Variants in BIRC6 observed in about 807,000 individuals in gnomAD.
BIRC6 encodes the protein dual E2 ubiquitin-conjugating enzyme/E3 ubiquitin-protein ligase BIRC6.
BIRC6 carries 98 observed loss-of-function variants against 503.3 expected under a neutral mutation model. That is an observed-to-expected ratio of 0.19 (90% CI 0.17 to 0.23). BIRC6 has a LOEUF of 0.23. BIRC6 is among the 10% of genes least tolerant of loss of function. The probability of loss-of-function intolerance (pLI) is 1.00; values close to 1 mark genes in which losing one functional copy is unlikely to be tolerated. For synonymous variants in BIRC6, 2,240 were observed against 2,078.7 expected, an observed-to-expected ratio of 1.08 and a Z score of -2.11; for missense variants, 5,360 against 5,806.0, an observed-to-expected ratio of 0.92 and a Z score of 2.50.
At chr2:32,375,238 C>A (rs968540963) in intron 1 of BIRC6, among the ~76,000 whole-genome samples, 1 of 151,956 alleles carries the variant, frequency 6.6e-6, no homozygotes, top group African/African-American at 2.4e-5. Flanking sequence ...GATTTGTTTG[C>A]CTTTTATATC....
chr2:32,596,145 A>G (rs2061658403), intron 68 of BIRC6, among the ~76,000 whole-genome samples: 1 of 152,092 alleles, frequency 6.6e-6, no homozygotes, highest in Non-Finnish European at 1.5e-5. Context: ...ATAGTTCTAT[A>G]TTATATATTG....
intron 3 of BIRC6, among the ~76,000 whole-genome samples, chr2:32,386,068 G>T (rs1459110079): frequency 6.6e-6 from 1 of 152,132 alleles, no homozygotes; most frequent in African/African-American, 2.4e-5. Context: ...ACCAATCAGC[G>T]TGCTGTCATG....
chr2:32,505,037 C>T lies in BIRC6; in HGVS notation c.9532C>T (p.Pro3178Ser), dbSNP rs1393822627. The change falls in exon 50 of 74, where the codon CCA (proline) becomes TCA (serine). Residue 3178 changes from proline to serine, a missense_variant. By Grantham distance (74) the Pro-to-Ser change is moderately conservative. This residue lies in a region of BIRC6 where 267 missense variants were observed against 287.6 expected (regional missense o/e 0.93). Coordinates refer to ENST00000421745, the MANE Select transcript of BIRC6 (RefSeq NM_016252.4). The part of the protein sequence containing the change: ...TITSSSPTAQ[P>S]AEVLLQATPP... ...CACATCTAGCAGTCCTACTGCCCAA[C>T]CAGCTGAAGTGCTATTGCAGGCCAC... 1.2e-6 allele frequency: 2 copies of T among 1,613,818 alleles called. No individual in the cohort carries two copies. The highest frequency in any genetic ancestry group is 1.7e-6 in the Non-Finnish European group (2 of 1,179,796).
chr2:32,464,907 A>T, intron 25 of BIRC6, 84 bp downstream of exon 25: 1 of 1,479,234 alleles, frequency 6.8e-7, no homozygotes, highest in Non-Finnish European at 9.1e-7. Flanking sequence ...CAAAATTTTT[A>T]ATACCAACTA....
In BIRC6 at chr2:32,499,985, C is replaced by T; in HGVS notation, c.8907C>T (p.Ser2969=). 2.5e-6 allele frequency: 4 copies of T among 1,613,972 alleles called. No homozygotes were observed. The highest frequency in any genetic ancestry group is 3.4e-6 in the Non-Finnish European group (4 of 1,179,884). The stretch of plus-strand genomic sequence containing the variant: ...CAGGAGGCAAAGATGGCAATGGAAG[C>T]AGTACCAGTGTTCAAGGATCGCCTG... The part of the protein sequence containing the change: ...KVSGGKDGNG[S]STSVQGSPAY... The change falls in exon 46 of 74, where the codon AGC becomes AGT. Residue 2969 remains serine (S), a synonymous_variant. Transcript: ENST00000421745.
At chr2:32,381,541 T>C (rs1454213210) in intron 3 of BIRC6, among the ~76,000 whole-genome samples, 2 of 126,182 alleles carry the variant, frequency 1.6e-5, no homozygotes, top group Admixed American at 7.9e-5. Flanking sequence ...CACCTGGCTC[T>C]TTTTTTTTTT....
intron 1 of BIRC6, among the ~76,000 whole-genome samples, chr2:32,375,793 T>C (rs964761666): frequency 6.6e-6 from 1 of 151,596 alleles, no homozygotes; most frequent in African/African-American, 2.4e-5. Flanking sequence ...ATATGACTTG[T>C]CCCTGCCTTT....
rs1049249439 is a variant in BIRC6 at position 32,357,091 on chromosome 2, G to C, written c.-71G>C. ...GTTTGGCCCCTCCGGCCGGGCGATC[G>C]ACGTTCCGCGTGCGTGCGGGCGCCT... On this transcript the variant is annotated 5_prime_UTR_variant, in exon 1 of 74. Coordinates refer to ENST00000421745, the MANE Select transcript of BIRC6 (RefSeq NM_016252.4). The surrounding 1 kb of genome is among the most constrained non-coding windows in gnomAD (Gnocchi z 4.9). 177 of 1,317,302 alleles carry C rather than the reference G, an allele frequency of 1.3e-4. No homozygotes were observed. The highest frequency in any genetic ancestry group is 1.6e-4 in the Non-Finnish European group (158 of 1,007,422). The allele number at this position is 1,317,302 out of a possible 1,614,324, so 81.6% of individuals were successfully genotyped here.
intron 53 of BIRC6, among the ~76,000 whole-genome samples, chr2:32,511,201 CTTTTTTTTTTTT>C: frequency 5.1e-4 from 25 of 48,586 alleles, no homozygotes; most frequent in East Asian, 2.4e-3. Context: ...CTTTTCTTTT[CTTTTTTTTTTTT>C]TTTTTTTTTT....
Position 32,481,396 on chromosome 2 carries a change from C to T in BIRC6, c.7485C>T (p.Asp2495=). 6.2e-7 allele frequency: 1 copy of T among 1,611,752 alleles called. No homozygotes were observed. Among genetic ancestry groups the T allele is most frequent in the South Asian group, 1.1e-5 (1 of 90,846 alleles). The part of the protein sequence containing the change: ...LELLQDLMEV[D]IDPLDIDLEK... Reference sequence around the variant, plus strand: ...TACTTCAGGATCTAATGGAAGTTGACATTGATCCTTTAGATATTGATTTGG... The same window carrying T: ...TACTTCAGGATCTAATGGAAGTTGATATTGATCCTTTAGATATTGATTTGG... Residue 2495 remains aspartate, a synonymous_variant, in exon 38 of 74, where the codon GAC becomes GAT. Transcript: ENST00000421745.
rs190516583 is a variant in BIRC6 at position 32,475,062 on chromosome 2, G to T, written c.6721-1151G>T. On this transcript the variant is annotated intron_variant, in intron 33 of 73. Coordinates refer to ENST00000421745, the MANE Select transcript of BIRC6 (RefSeq NM_016252.4). ...TGCCTGTAGTCCCAGTTACTCAGGA[G>T]GATGAGGCAGGAGAATCCTTAAATC... Among the ~76,000 whole-genome samples, 154 of 151,142 alleles carry T rather than the reference G, an allele frequency of 1.0e-3. 1 individual carries two copies. The highest frequency in any genetic ancestry group is 3.7e-3 in the African/African-American group (152 of 41,196).
At chr2:32,579,640 G>T (rs2060529647) in intron 66 of BIRC6, among the ~76,000 whole-genome samples, 1 of 152,096 alleles carries the variant, frequency 6.6e-6, no homozygotes, top group Non-Finnish European at 1.5e-5. Context: ...AGTGAGCTAT[G>T]ATTTTACCAC....
At chr2:32,360,734 T>A (rs2033940579) in intron 1 of BIRC6, among the ~76,000 whole-genome samples, 1 of 152,218 alleles carries the variant, frequency 6.6e-6, no homozygotes, top group Non-Finnish European at 1.5e-5. Flanking sequence ...TTTTGTGGTA[T>A]TTTTTCAACC....
At chr2:32,414,331 C>T (rs1237372220) in intron 9 of BIRC6, among the ~76,000 whole-genome samples, 8 of 151,990 alleles carry the variant, frequency 5.3e-5, no homozygotes, top group Admixed American at 1.3e-4. Context: ...TAGTTGAATC[C>T]GTGGATGTAG....
rs114406865 is a variant in BIRC6 at position 32,444,276 on chromosome 2, T to A, written c.4336+688T>A. ...AGAATAGTTAAAAGATTTAAAGTGT[T>A]CCCAATGCAGAGAGGTGATGGATAT... On this transcript the variant is annotated intron_variant, in intron 20 of 73. Coordinates refer to ENST00000421745, the MANE Select transcript of BIRC6 (RefSeq NM_016252.4). Among the ~76,000 whole-genome samples the A allele has an allele frequency of 5.3e-3, 814 of 152,198 alleles. 8 individuals carry two copies. Among genetic ancestry groups the A allele is most frequent in the African/African-American group, 0.018 (760 of 41,520 alleles).
In BIRC6 at chr2:32,597,744, C is replaced by G. The variant is rs185001608; in HGVS notation, c.13613-7C>G. 9.0e-5 allele frequency: 145 copies of G among 1,602,518 alleles called. 1 individual carries two copies. The East Asian group carries it at 3.2e-3, about 36-fold the overall frequency. ...GTTCTGGGTTTTATTTTTTCTTCTC[C>G]TTTTAGATACGTTTGAAATGGTTTC... On this transcript the variant is annotated splice_polypyrimidine_tract_variant and splice_region_variant and intron_variant, in intron 68 of 73. Coordinates refer to ENST00000421745, the MANE Select transcript of BIRC6 (RefSeq NM_016252.4).
At position 32,380,256 on chromosome 2, in the gene BIRC6, C is replaced by T; in HGVS notation, c.611C>T (p.Ser204Phe). 6.2e-7 allele frequency: 1 copy of T among 1,608,518 alleles called. No individual in the cohort carries two copies. The highest frequency in any genetic ancestry group is 8.5e-7 in the Non-Finnish European group (1 of 1,178,564). ...CTCAAAGATGGTTTAAAAAATACAT[C>T]TCATGAGACTGCAGCAAACCACAAA... ...TQLKDGLKNTSHETAANHKVA... is the reference protein window; with the variant it reads ...TQLKDGLKNTFHETAANHKVA... The change falls in exon 3 of 74, where the codon TCT (serine) becomes TTT (phenylalanine). Residue 204 changes from serine (S) to phenylalanine (F), a missense_variant. Coordinates refer to ENST00000421745, the MANE Select transcript of BIRC6 (RefSeq NM_016252.4).
rs373427835 is a variant in BIRC6 at position 32,531,462 on chromosome 2, C to G, written c.12202C>G (p.Gln4068Glu). The G allele has an allele frequency of 6.2e-6, 10 of 1,613,722 alleles. No homozygotes were observed. The highest frequency in any genetic ancestry group is 1.7e-5 in the Admixed American group (1 of 59,978). ...DESLLETCPI[Q>E]SPLQVFAGMG... ...ATCTTTGCTTGAAACCTGTCCAATT[C>G]AGTCACCATTACAAGTTTTTGCAGG... The change falls in exon 61 of 74, where the codon CAG (glutamine) becomes GAG (glutamate). Residue 4068 changes from glutamine (Q) to glutamate (E), a missense_variant. Gln to Glu is a conservative substitution (Grantham distance 29, BLOSUM62 2). Coordinates refer to ENST00000421745, the MANE Select transcript of BIRC6 (RefSeq NM_016252.4).
rs2037402784 is a variant in BIRC6 at position 32,380,087 on chromosome 2, A to G, written c.508-66A>G. ...TTAAAATATCTGAAAGAGGATCTGA[A>G]TTTAATTTTTTGTTGTTCTTGTGTT... On this transcript the variant is annotated intron_variant, in intron 2 of 73. Coordinates refer to ENST00000421745, the MANE Select transcript of BIRC6 (RefSeq NM_016252.4). 2.6e-6 allele frequency: 3 copies of G among 1,163,148 alleles called. No individual in the cohort carries two copies. In the South Asian group the frequency reaches 5.4e-5, roughly 21 times the overall value. 72.1% of individuals were successfully genotyped at this position (1,163,148 alleles called of 1,614,324 possible).
Sources: allele counts gnomAD v4.1 joint callset (sites outside exome capture counted in the v4.1 genomes callset), GRCh38; gene constraint gnomAD v4.1.1; regional missense constraint gnomAD v4.1.1; non-coding constraint Gnocchi (gnomAD v3.1); transcripts MANE v1.5; gene names NCBI Gene and HGNC (gene_info 2026-07-23, HGNC 2026-07-21).